Variants in GPC5 observed in about 807,000 individuals in gnomAD.
GPC5 encodes the protein glypican-5.
A neutral mutation model predicts 53.9 loss-of-function variants in GPC5; 47 were observed. The observed-to-expected ratio is 0.87, with a 90% confidence interval of 0.69 to 1.11. GPC5 has a LOEUF of 1.11. GPC5 is among the 50% of genes most tolerant of loss of function. GPC5 has a pLI of 0.00. For synonymous variants in GPC5, 286 were observed against 263.3 expected, an observed-to-expected ratio of 1.09 and a Z score of -0.84; for missense variants, 748 against 713.1, an observed-to-expected ratio of 1.05 and a Z score of -0.56.
At chr13:92,082,834 C>T (rs561023041) in intron 6 of GPC5, among the ~76,000 whole-genome samples, 2 of 152,266 alleles carry the variant, frequency 1.3e-5, no homozygotes, top group Admixed American at 6.5e-5. Flanking sequence ...CAGAATTAAA[C>T]TTGTGAAAAT....
chr13:91,971,772 A>T (rs1283832135), intron 6 of GPC5, among the ~76,000 whole-genome samples: 1 of 152,118 alleles, frequency 6.6e-6, no homozygotes, highest in Non-Finnish European at 1.5e-5. Context: ...GTAGTTGAGC[A>T]GTTTTGAGTG....
intron 7 of GPC5, among the ~76,000 whole-genome samples, chr13:92,800,267 C>T (rs953041174): frequency 1.5e-4 from 23 of 151,840 alleles, no homozygotes; most frequent in Admixed American, 2.6e-4. Flanking sequence ...CTTCTGAGAT[C>T]CCAAGATGGG....
chr13:91,773,865 T>G (rs1213561954), intron 5 of GPC5, among the ~76,000 whole-genome samples: 1 of 152,222 alleles, frequency 6.6e-6, no homozygotes, highest in Non-Finnish European at 1.5e-5. Flanking sequence ...ACATAATTTA[T>G]CATTCTTTCT....
chr13:92,805,950 A>G (rs1317489541), intron 7 of GPC5, among the ~76,000 whole-genome samples: 1 of 152,014 alleles, frequency 6.6e-6, no homozygotes, highest in African/African-American at 2.4e-5. Flanking sequence ...TCCCCTAACA[A>G]GAGAGTCAGC....
At chr13:92,812,457 A>C (rs1877329597) in intron 7 of GPC5, among the ~76,000 whole-genome samples, 1 of 151,926 alleles carries the variant, frequency 6.6e-6, no homozygotes, top group Admixed American at 6.6e-5. Flanking sequence ...CATCTCAAAT[A>C]ACACAGAAAA....
At chr13:92,670,770 CCTTTTT>C (rs763347203) in intron 7 of GPC5, among the ~76,000 whole-genome samples, 28 of 152,154 alleles carry the variant, frequency 1.8e-4, no homozygotes, top group Middle Eastern at 3.2e-3. Context: ...AAGCCTTTAG[CCTTTTT>C]CTTTTTCTAA....
rs1021227084 is a variant in GPC5 at position 91,680,830 on chromosome 13, G to A, written c.326-12357G>A. 3.3e-5 allele frequency among the ~76,000 whole-genome samples: 5 copies of A among 152,248 alleles called. 1 individual carries two copies. Among genetic ancestry groups the A allele is most frequent in the Admixed American group, 3.3e-4 (5 of 15,288 alleles). On this transcript the variant is annotated intron_variant, in intron 2 of 7. Coordinates refer to ENST00000377067, the MANE Select transcript of GPC5 (RefSeq NM_004466.6). The stretch of plus-strand genomic sequence containing the variant: ...TGAGAATATAGCTCTTTTCTATTAA[G>A]TGAGACAATAATGAAATTTACAATC...
rs549994444 is a variant in GPC5, at chr13:91,611,933, G to C, written c.326-81254G>C. Among the ~76,000 whole-genome samples, 4 of 152,270 alleles carry C rather than the reference G, an allele frequency of 2.6e-5. No individual in the cohort carries two copies. In the East Asian group the frequency reaches 7.7e-4, roughly 29 times the overall value. ...CCTAGACTTCCTTGTGTTGTCTGCA[G>C]CTGGGCCCCACCTGACCTCTTCTTC... On this transcript the variant is annotated intron_variant, in intron 2 of 7. Coordinates refer to ENST00000377067, the MANE Select transcript of GPC5 (RefSeq NM_004466.6).
At chr13:92,773,638 C>CCAG (rs1875690561) in intron 7 of GPC5, among the ~76,000 whole-genome samples, 1 of 152,142 alleles carries the variant, frequency 6.6e-6, no homozygotes, top group Non-Finnish European at 1.5e-5. Context: ...GCTTATTAGG[C>CCAG]CTTCTAATTG....
At chr13:92,619,419 C>T (rs1364280778) in intron 7 of GPC5, among the ~76,000 whole-genome samples, 1 of 151,880 alleles carries the variant, frequency 6.6e-6, no homozygotes, top group African/African-American at 2.4e-5. Context: ...TATGAAGTAA[C>T]TCGCCAATTA....
chr13:92,668,854 A>G (rs184361202), intron 7 of GPC5, among the ~76,000 whole-genome samples: 14 of 152,162 alleles, frequency 9.2e-5, no homozygotes. Flanking sequence ...TTTTAAATAA[A>G]TGTTATTTGC....
At chr13:92,666,972 A>T (rs61975930) in intron 7 of GPC5, among the ~76,000 whole-genome samples, 34,429 of 152,152 alleles carry the variant, frequency 0.23, 4,478 homozygotes, top group South Asian at 0.39. Flanking sequence ...AACTGAAAAT[A>T]GGGAAAAATG....
At chr13:92,606,975 C>T (rs1052757626) in intron 7 of GPC5, among the ~76,000 whole-genome samples, 1 of 151,944 alleles carries the variant, frequency 6.6e-6, no homozygotes, top group African/African-American at 2.4e-5. Context: ...TTAAATATTG[C>T]TGTTATATTT....
At chr13:92,468,454 T>C (rs1878786747) in intron 7 of GPC5, among the ~76,000 whole-genome samples, 1 of 152,106 alleles carries the variant, frequency 6.6e-6, no homozygotes, top group Non-Finnish European at 1.5e-5. Flanking sequence ...CTCATCTGTA[T>C]TGGGTAAGCA....
rs1267664177 is a variant in GPC5 at position 92,866,345 on chromosome 13, C to T, written c.1625C>T (p.Thr542Ile). 1 of 1,613,070 alleles carries T rather than the reference C, an allele frequency of 6.2e-7. No individual in the cohort carries two copies. The highest frequency in any genetic ancestry group is 8.5e-7 in the Non-Finnish European group (1 of 1,179,310). ...ATCCATCAAACAGACACTGGCAGTACTTTAGACACAACAGGAGCAGGATGT... is the reference window on the plus strand; with the variant it reads ...ATCCATCAAACAGACACTGGCAGTATTTTAGACACAACAGGAGCAGGATGT... ...KQIHQTDTGSTLDTTGAGCAV... is the reference protein window; with the variant it reads ...KQIHQTDTGSILDTTGAGCAV... Residue 542 changes from threonine (T) to isoleucine (I), a missense_variant, in exon 8 of 8, where the codon ACT becomes ATT. By Grantham distance (89) the Thr-to-Ile change is moderately conservative. Coordinates refer to ENST00000377067, the MANE Select transcript of GPC5 (RefSeq NM_004466.6).
rs1242318743 is a variant in GPC5 at position 92,385,387 on chromosome 13, TATACATATATACACATATATAC to T, written c.1561+240400_1561+240421del. Among the ~76,000 whole-genome samples the T allele has an allele frequency of 9.7e-3, 767 of 78,724 alleles. 46 individuals are homozygous for T. Among genetic ancestry groups the T allele is most frequent in the African/African-American group, 0.029 (589 of 20,226 alleles). 51.6% of individuals were successfully genotyped at this position (78,724 alleles called of 152,430 possible). ...ACATATATATACATATATACATATA[TATACATATATACACATATATAC>T]ACATATATATACATATATACATATA... On this transcript the variant is annotated intron_variant, in intron 7 of 7. Coordinates refer to ENST00000377067, the MANE Select transcript of GPC5 (RefSeq NM_004466.6).
chr13:92,054,080 C>T (rs1242456137), intron 6 of GPC5, among the ~76,000 whole-genome samples: 1 of 133,106 alleles, frequency 7.5e-6, no homozygotes, highest in Non-Finnish European at 1.7e-5. Flanking sequence ...AATAAGATTT[C>T]ACTTATAGAG....
rs143281205 is a variant in GPC5, at chr13:92,531,715, C to T, written c.1562-334567C>T. On this transcript the variant is annotated intron_variant, in intron 7 of 7. Transcript: ENST00000377067. ...AGGATTCCATTGCCTCTGTTGACAA[C>T]GAAGACTGATATTCTATGCGTACTG... 6.8e-3 allele frequency among the ~76,000 whole-genome samples: 1,037 copies of T among 152,232 alleles called. 6 individuals carry two copies. Among genetic ancestry groups the T allele is most frequent in the Non-Finnish European group, 0.01 (691 of 68,020 alleles).
intron 2 of GPC5, among the ~76,000 whole-genome samples, chr13:91,651,335 T>C (rs1167723801): frequency 6.6e-6 from 1 of 152,198 alleles, no homozygotes; most frequent in African/African-American, 2.4e-5. Flanking sequence ...TTCACATTAG[T>C]TTATTAATAT....
Sources: gnomAD v4.1 joint callset for allele counts (sites outside exome capture counted in the v4.1 genomes callset) on GRCh38, gnomAD v4.1.1 for gene constraint, MANE v1.5 for transcripts, NCBI Gene and HGNC (gene_info 2026-07-23, HGNC 2026-07-21) for gene names.